PP2D1: variants seen among roughly 807,000 people sequenced by gnomAD.
PP2D1 encodes the protein protein phosphatase 2C-like domain-containing protein 1.
PP2D1 carries 25 observed loss-of-function variants against 30.2 expected under a neutral mutation model. That is an observed-to-expected ratio of 0.83 (90% CI 0.60 to 1.16). PP2D1 has a LOEUF of 1.16. Among genes scored for constraint, PP2D1 ranks in the 50% most tolerant of loss-of-function variants. The pLI, the probability that PP2D1 is intolerant of heterozygous loss-of-function variation, is 0.00. For missense variants in PP2D1, 760 were observed against 742.4 expected (o/e 1.02, Z -0.28); for synonymous variants, 260 against 258.9 (o/e 1.00, Z -0.04).
intron 1 of PP2D1, among the ~76,000 whole-genome samples, chr3:20,007,540 T>C (rs528932694): frequency 6.6e-5 from 10 of 152,072 alleles, no homozygotes; most frequent in African/African-American, 2.4e-4. Context: ...AGGCCGAGGC[T>C]GTCGGATCAC....
intron 2 of PP2D1, among the ~76,000 whole-genome samples, chr3:19,992,506 A>G (rs1246238202): frequency 6.6e-6 from 1 of 152,224 alleles, no homozygotes; most frequent in East Asian, 1.9e-4. Flanking sequence ...GCAACTTATT[A>G]AACTAGTCCA....
intron 2 of PP2D1, among the ~76,000 whole-genome samples, chr3:19,999,015 G>T (rs771539447): frequency 4.0e-4 from 60 of 151,558 alleles, no homozygotes; most frequent in Non-Finnish European, 6.3e-4. Flanking sequence ...CATTGTATAG[G>T]CCTGGAAATT....
rs771765352 is a variant in PP2D1 at position 20,012,166 on chromosome 3, A to G, written c.-94T>C. On this transcript the variant is annotated 5_prime_UTR_variant, in exon 1 of 3. Coordinates refer to ENST00000389050, the MANE Select transcript of PP2D1 (RefSeq NM_001252657.2). ...GAGTAGTGATGGTGATGGTGGAGGTAGAGGTGAATGTGATGGCTGTGGCAG... is the reference window on the plus strand; with the variant it reads ...GAGTAGTGATGGTGATGGTGGAGGTGGAGGTGAATGTGATGGCTGTGGCAG... 2.0e-5 allele frequency: 21 copies of G among 1,047,458 alleles called. No homozygotes were observed. The highest frequency in any genetic ancestry group is 2.8e-5 in the Non-Finnish European group (20 of 717,000). 64.9% of individuals were successfully genotyped at this position (1,047,458 alleles called of 1,614,324 possible).
chr3:19,993,613 A>G (rs1347387434), intron 2 of PP2D1, among the ~76,000 whole-genome samples: 2 of 152,068 alleles, frequency 1.3e-5, no homozygotes, highest in African/African-American at 2.4e-5. Context: ...CATGCCAGTA[A>G]TCTTAGCTCC....
At chr3:19,983,807 A>C (rs1249748048), downstream of PP2D1, 2 of 1,602,970 alleles carry the variant, frequency 1.2e-6, no homozygotes, top group Non-Finnish European at 8.5e-7. Flanking sequence ...ACCAGGAATC[A>C]GTGTTGTAGT....
At position 20,001,809 on chromosome 3, in the gene PP2D1, G is replaced by C. The variant is rs1174802983; in HGVS notation, c.311C>G (p.Ser104Ter). 2 of 1,535,164 alleles carry C rather than the reference G, an allele frequency of 1.3e-6. No homozygotes were observed. The highest frequency in any genetic ancestry group is 1.4e-5 in the African/African-American group (1 of 73,030). ...GAACTGTCTCTGAACAGCAATCACT[G>C]AGGGCTGTGGTTTCTTTCTACCCAT... ...QWMGRKKPQP[S>*]VIAVQRQFMI... Residue 104 changes from serine to a stop codon, truncating the protein, a stop_gained, in exon 2 of 3, where the codon TCA becomes TGA. Transcript: ENST00000389050. LOFTEE classifies it high-confidence loss of function.
At chr3:19,982,773 A>AG (rs997762566), downstream of PP2D1, among the ~76,000 whole-genome samples, 2 of 152,018 alleles carry the variant, frequency 1.3e-5, no homozygotes, top group African/African-American at 4.8e-5. Context: ...TAAAAAAAAA[A>AG]AAAAAGAGAG....
chr3:19,991,575 T>G (rs887472701), intron 2 of PP2D1, among the ~76,000 whole-genome samples: 2 of 152,166 alleles, frequency 1.3e-5, no homozygotes, highest in Non-Finnish European at 1.5e-5. Flanking sequence ...CAGTTTGGTG[T>G]AGAAAAACAG....
chr3:19,985,548 A>G lies in PP2D1; in HGVS notation c.1725T>C (p.Asn575=). 6.5e-7 allele frequency: 1 copy of G among 1,536,058 alleles called. No homozygotes were observed. Among genetic ancestry groups the G allele is most frequent in the Non-Finnish European group, 8.7e-7 (1 of 1,146,868 alleles). The change falls in exon 3 of 3, where the codon AAT becomes AAC. Residue 575 remains asparagine, a synonymous_variant. Coordinates refer to ENST00000389050, the MANE Select transcript of PP2D1 (RefSeq NM_001252657.2). ...ATTCTTTTTCATTTGTTGCCACATC[A>G]TTTACACTAGTTGGTCTGTCAGTTA... is the stretch of plus-strand genomic sequence containing the variant. ...EKVTDRPTSV[N]DVATNEKESD... is the part of the protein sequence containing the mutation.
intron 1 of PP2D1, among the ~76,000 whole-genome samples, chr3:20,010,693 C>G (rs12631435): frequency 6.6e-6 from 1 of 151,888 alleles, no homozygotes. Context: ...ATCCCAGCTA[C>G]TGGGGAGGCT....
chr3:20,006,521 G>C (rs141132639), intron 1 of PP2D1, among the ~76,000 whole-genome samples: 65 of 152,244 alleles, frequency 4.3e-4, no homozygotes, highest in Middle Eastern at 3.4e-3. Context: ...TTGCCTCACT[G>C]TGTCACCCAG....
At chr3:20,010,437 G>T (rs1367094726) in intron 1 of PP2D1, among the ~76,000 whole-genome samples, 1 of 151,968 alleles carries the variant, frequency 6.6e-6, no homozygotes, top group Non-Finnish European at 1.5e-5. Context: ...GTATTTTAAT[G>T]CCAATCTTCA....
chr3:19,985,614 A>T lies in PP2D1; in HGVS notation c.1659T>A (p.Phe553Leu). ...CIYNPENVET[F>L]PAETTHRKPC... Reference sequence around the variant, plus strand: ...GTTTACGATGAGTCGTTTCTGCTGGAAATGTTTCTACATTCTCAGGGTTAT... The same window carrying T: ...GTTTACGATGAGTCGTTTCTGCTGGTAATGTTTCTACATTCTCAGGGTTAT... The change falls in exon 3 of 3, where the codon TTT (phenylalanine) becomes TTA (leucine). Residue 553 changes from phenylalanine to leucine, a missense_variant. This residue lies in a region of PP2D1 where 369 missense variants were observed against 316.2 expected (regional missense o/e 1.17). Transcript: ENST00000389050. 2 of 1,535,902 alleles carry T rather than the reference A, an allele frequency of 1.3e-6. No homozygotes were observed. The highest frequency in any genetic ancestry group is 1.7e-6 in the Non-Finnish European group (2 of 1,146,710).
intron 1 of PP2D1, among the ~76,000 whole-genome samples, chr3:20,007,247 C>T (rs1270642881): frequency 2.0e-5 from 3 of 151,986 alleles, no homozygotes; most frequent in African/African-American, 7.3e-5. Flanking sequence ...AGTTCTTATA[C>T]TGTATTTTTA....
chr3:19,989,509 AG>A (rs1697088375), intron 2 of PP2D1, among the ~76,000 whole-genome samples: 1 of 152,198 alleles, frequency 6.6e-6, no homozygotes, highest in Non-Finnish European at 1.5e-5. Context: ...ATTTCTTTAT[AG>A]TTTGGTTATT....
intron 1 of PP2D1, among the ~76,000 whole-genome samples, 179 bp downstream of exon 1, chr3:20,011,871 G>C (rs1220778635): frequency 6.6e-6 from 1 of 151,966 alleles, no homozygotes; most frequent in Non-Finnish European, 1.5e-5. Context: ...TAAGAGCATA[G>C]AGAGGAATGG....
rs149789258 is a variant in PP2D1, at chr3:20,001,343, G to A, written c.777C>T (p.Tyr259=). Residue 259 remains tyrosine (Y), a synonymous_variant, in exon 2 of 3, where the codon TAC becomes TAT. Transcript: ENST00000389050. ...NSFYTVFREE[Y]AAIEDLFSAI... is the part of the protein sequence containing the mutation. ...CAGAAAAGAGGTCTTCTATTGCTGC[G>A]TATTCTTCTCTAAACACAGTGTAAA... is the stretch of plus-strand genomic sequence containing the variant. 28 of 1,535,492 alleles carry A rather than the reference G, an allele frequency of 1.8e-5. No individual in the cohort carries two copies. In the African/African-American group the frequency reaches 2.1e-4, roughly 11 times the overall value.
intron 2 of PP2D1, among the ~76,000 whole-genome samples, chr3:19,987,589 A>G (rs34417128): frequency 0.17 from 25,814 of 152,038 alleles, 2,124 homozygotes; most frequent in South Asian, 0.21. Context: ...CTAGGCCCAC[A>G]GTTTTTTACG....
chr3:20,000,465 C>A (rs751219352), intron 2 of PP2D1, among the ~76,000 whole-genome samples: 2 of 152,124 alleles, frequency 1.3e-5, no homozygotes, highest in Non-Finnish European at 2.9e-5. Flanking sequence ...AGTTCCTAAA[C>A]TCCCTGAAAT....
Sources: gnomAD v4.1 joint callset for allele counts (sites outside exome capture counted in the v4.1 genomes callset) on GRCh38, gnomAD v4.1.1 for gene constraint, gnomAD v4.1.1 regional missense constraint, MANE v1.5 for transcripts, NCBI Gene and HGNC (gene_info 2026-07-23, HGNC 2026-07-21) for gene names.